Variants in MAP2K6 observed in about 807,000 individuals in gnomAD.
The protein encoded by MAP2K6 is dual specificity mitogen-activated protein kinase kinase 6.
Under a neutral mutation model 53.7 loss-of-function variants are expected in MAP2K6, and 16 were observed. The ratio of observed to expected loss-of-function variants is 0.30; its 90% CI spans 0.20 to 0.45. The LOEUF is 0.45. MAP2K6 is among the 20% of genes least tolerant of loss of function. The pLI, the probability that MAP2K6 is intolerant of heterozygous loss-of-function variation, is 1.00. For missense variants in MAP2K6, 204 were observed against 411.9 expected (o/e 0.50, Z 4.37); for synonymous variants, 132 against 143.1 (o/e 0.92, Z 0.55).
At chr17:69,535,442 T>C (rs1168833607) in intron 10 of MAP2K6, among the ~76,000 whole-genome samples, 1 of 151,722 alleles carries the variant, frequency 6.6e-6, no homozygotes, top group Non-Finnish European at 1.5e-5. Flanking sequence ...GATACAAAAA[T>C]TAGCCAGGCA....
At chr17:69,522,796 C>A (rs1278988818) in intron 7 of MAP2K6, among the ~76,000 whole-genome samples, 1 of 151,542 alleles carries the variant, frequency 6.6e-6, no homozygotes, top group East Asian at 1.9e-4. Context: ...TGGCTCACAC[C>A]TGTAATCACA....
Position 69,541,860 on chromosome 17 carries a change from C to G in MAP2K6, c.*107C>G. The G allele has an allele frequency of 1.2e-6, 1 of 818,052 alleles. No individual in the cohort carries two copies. Among genetic ancestry groups the G allele is most frequent in the Non-Finnish European group, 2.0e-6 (1 of 510,916 alleles). The allele number at this position is 818,052 out of a possible 1,614,324, so 50.7% of individuals were successfully genotyped here. The stretch of plus-strand genomic sequence containing the variant: ...AAGTCATCTTTGAGATAATTTAACC[C>G]TGCCTCTCAGAGGGTTTTCTCTCCC... On this transcript the variant is annotated 3_prime_UTR_variant, in exon 12 of 12. Coordinates refer to ENST00000590474, the MANE Select transcript of MAP2K6 (RefSeq NM_002758.4).
At chr17:69,521,822 A>ACAAC (rs71144700) in intron 7 of MAP2K6, 7 of 145,904 alleles carry the variant, frequency 4.8e-5, no homozygotes, top group African/African-American at 1.9e-4. Context: ...AAAAAAAAAA[A>ACAAC]AAAAAAAAAA....
intron 2 of MAP2K6, among the ~76,000 whole-genome samples, chr17:69,507,867 TAAGCCCATCTTTAGTTTTGAAAG>T (rs1909595042): frequency 6.6e-6 from 1 of 152,112 alleles, no homozygotes. Context: ...GGTTATATGG[TAAGCCCATCTTTAGTTTTGAAAG>T]AACTGCTGAA....
intron 1 of MAP2K6, chr17:69,434,903 C>T (rs1319276033): frequency 6.6e-6 from 1 of 152,102 alleles, no homozygotes; most frequent in Non-Finnish European, 1.5e-5. Context: ...TAAAGAATTA[C>T]CTAATTTGAT....
At chr17:69,530,493 C>T (rs1351279968) in intron 10 of MAP2K6, among the ~76,000 whole-genome samples, 1 of 152,094 alleles carries the variant, frequency 6.6e-6, no homozygotes, top group African/African-American at 2.4e-5. Flanking sequence ...TATCAGTTGT[C>T]TAAAATAGTC....
At position 69,532,332 on chromosome 17, in the gene MAP2K6, T is replaced by C. The variant is rs191829947; in HGVS notation, c.882-3783T>C. ...TTGGAAATGATCGGGGGAATTCAAA[T>C]AGGCAGAAATCCTCTGGTCAGCACA... On this transcript the variant is annotated intron_variant, in intron 10 of 11. Coordinates refer to ENST00000590474, the MANE Select transcript of MAP2K6 (RefSeq NM_002758.4). Among the ~76,000 whole-genome samples, 61 of 152,358 alleles carry C rather than the reference T, an allele frequency of 4.0e-4. 1 individual carries two copies. In the East Asian group the frequency reaches 0.01, roughly 25 times the overall value.
intron 2 of MAP2K6, among the ~76,000 whole-genome samples, chr17:69,509,135 T>C (rs542943018): frequency 1.8e-4 from 28 of 152,366 alleles, no homozygotes; most frequent in African/African-American, 6.5e-4. Context: ...CTTATCTATG[T>C]CCACAGAGAA....
In MAP2K6 at chr17:69,546,498, G is replaced by A. The variant is rs1395760686; in HGVS notation, c.*4745G>A. 6.6e-6 allele frequency: 1 copy of A among 152,052 alleles called. No homozygotes were observed. Among genetic ancestry groups the A allele is most frequent in the Non-Finnish European group, 1.5e-5 (1 of 68,024 alleles). The allele number at this position is 152,052 out of a possible 1,614,324, so 9.4% of individuals were successfully genotyped here. A position where few individuals can be genotyped will look rare whatever the true frequency, so the allele number is the denominator to read the frequency against. ...CTAAAATGTCTTTGTTGACCAAGGG[G>A]CTTTATTAATTATGCTCAGAGAAAC... On this transcript the variant is annotated 3_prime_UTR_variant, in exon 12 of 12. Transcript: ENST00000590474.
intron 1 of MAP2K6, among the ~76,000 whole-genome samples, chr17:69,430,144 T>C (rs1906410612): frequency 6.6e-6 from 1 of 152,176 alleles, no homozygotes; most frequent in African/African-American, 2.4e-5. Flanking sequence ...CTGTCCACCA[T>C]GGTGGAACCC....
chr17:69,439,158 C>T (rs1022237962), intron 1 of MAP2K6, among the ~76,000 whole-genome samples: 4 of 152,298 alleles, frequency 2.6e-5, no homozygotes, highest in African/African-American at 7.2e-5. Context: ...TAAGTCATTC[C>T]TCAGGTCCCT....
At position 69,548,771 on chromosome 17, in the gene MAP2K6, C is replaced by A. The variant is rs1911978560; in HGVS notation, c.*7018C>A. The A allele has an allele frequency of 6.6e-6, 1 of 152,164 alleles. No individual in the cohort carries two copies. The highest frequency in any genetic ancestry group is 6.6e-5 in the Admixed American group (1 of 15,262). 9.4% of individuals were successfully genotyped at this position (152,164 alleles called of 1,614,324 possible). ...GTTATTTTTCTGAGGTTTAGAAAGT[C>A]ACTGTTTACAGCTATGCAAATATTG... On this transcript the variant is annotated 3_prime_UTR_variant, in exon 12 of 12. Coordinates refer to ENST00000590474, the MANE Select transcript of MAP2K6 (RefSeq NM_002758.4).
intron 1 of MAP2K6, among the ~76,000 whole-genome samples, chr17:69,457,564 G>T (rs539907254): frequency 6.3e-4 from 96 of 152,290 alleles, no homozygotes; most frequent in African/African-American, 2.3e-3. Context: ...TTGCAGCTGG[G>T]TGCAGTGGCT....
chr17:69,463,633 C>T (rs957569883), intron 1 of MAP2K6, among the ~76,000 whole-genome samples: 2 of 150,520 alleles, frequency 1.3e-5, no homozygotes, highest in Non-Finnish European at 1.5e-5. Flanking sequence ...TATACACACA[C>T]ACATATATGT....
At chr17:69,532,800 G>A (rs898574715) in intron 10 of MAP2K6, among the ~76,000 whole-genome samples, 1 of 152,110 alleles carries the variant, frequency 6.6e-6, no homozygotes, top group Admixed American at 6.6e-5. Flanking sequence ...TCTAATCAGG[G>A]GCCATGAGTC....
At chr17:69,475,460 G>A (rs531194696) in intron 1 of MAP2K6, among the ~76,000 whole-genome samples, 1 of 152,166 alleles carries the variant, frequency 6.6e-6, no homozygotes, top group African/African-American at 2.4e-5. Flanking sequence ...GAGCCACCGC[G>A]CCCGGCCCTG....
At chr17:69,460,374 A>G (rs1432247454) in intron 1 of MAP2K6, among the ~76,000 whole-genome samples, 1 of 152,204 alleles carries the variant, frequency 6.6e-6, no homozygotes, top group African/African-American at 2.4e-5. Context: ...CACTGCAGAT[A>G]CATGAGCAAG....
chr17:69,450,578 A>G (rs1907186468), intron 1 of MAP2K6, among the ~76,000 whole-genome samples: 2 of 152,152 alleles, frequency 1.3e-5, no homozygotes, highest in African/African-American at 4.8e-5. Context: ...CTCTGAAACA[A>G]TCTGGAAGTA....
intron 1 of MAP2K6, among the ~76,000 whole-genome samples, chr17:69,424,373 A>G (rs776853026): frequency 1.3e-5 from 2 of 152,214 alleles, no homozygotes; most frequent in Non-Finnish European, 2.9e-5. Flanking sequence ...ACCATCCCAG[A>G]TGGTATCACT....
Sources: gnomAD v4.1 joint callset for allele counts (sites outside exome capture counted in the v4.1 genomes callset) on GRCh38, gnomAD v4.1.1 for gene constraint, MANE v1.5 for transcripts, NCBI Gene and HGNC (gene_info 2026-07-23, HGNC 2026-07-21) for gene names.